EBF1: variants seen among roughly 807,000 people sequenced by gnomAD.
The protein encoded by EBF1 is transcription factor COE1.
Under a neutral mutation model 68.4 loss-of-function variants are expected in EBF1, and 10 were observed. That is an observed-to-expected ratio of 0.15 (90% CI 0.09 to 0.25). The LOEUF is 0.25. EBF1 is among the 10% of genes least tolerant of loss of function. EBF1 has a pLI of 1.00. For missense variants in EBF1, 509 were observed against 794.4 expected (o/e 0.64, Z 4.32); for synonymous variants, 298 against 299.8 (o/e 0.99, Z 0.06).
chr5:158,888,212 A>T (rs1169938963), intron 6 of EBF1, among the ~76,000 whole-genome samples: 1 of 152,176 alleles, frequency 6.6e-6, no homozygotes, highest in Non-Finnish European at 1.5e-5. Context: ...TAGTTGGTGA[A>T]GAAATGAAAG....
chr5:159,006,095 G>A (rs1369785609), intron 6 of EBF1, among the ~76,000 whole-genome samples: 1 of 152,186 alleles, frequency 6.6e-6, no homozygotes, highest in Non-Finnish European at 1.5e-5. Flanking sequence ...CGGTATAGAG[G>A]AGAATTCAAT....
chr5:158,754,357 T>C (rs1769582602), intron 10 of EBF1, among the ~76,000 whole-genome samples: 1 of 152,130 alleles, frequency 6.6e-6, no homozygotes, highest in Non-Finnish European at 1.5e-5. Context: ...AGGCAATGAC[T>C]TTTCATTGAA....
Position 159,099,566 on chromosome 5 carries a change from G to C in EBF1, c.-88C>G. 5.3e-4 allele frequency: 648 copies of C among 1,222,348 alleles called. No individual in the cohort carries two copies. The highest frequency in any genetic ancestry group is 5.7e-4 in the Non-Finnish European group (533 of 942,842). 75.7% of individuals were successfully genotyped at this position (1,222,348 alleles called of 1,614,324 possible). A position where few individuals can be genotyped will look rare whatever the true frequency, so the allele number is the denominator to read the frequency against. ...AGGAAAGAAAAGAAAGAAAAGAAAA[G>C]AAACAAAAACGCCAACCAGAGATTT... is the stretch of plus-strand genomic sequence containing the variant. On this transcript the variant is annotated 5_prime_UTR_variant, in exon 1 of 16. Transcript: ENST00000313708.
intron 10 of EBF1, among the ~76,000 whole-genome samples, chr5:158,769,602 C>A (rs1273340819): frequency 2.0e-5 from 3 of 152,068 alleles, no homozygotes; most frequent in Non-Finnish European, 4.4e-5. Flanking sequence ...CTTTCAGTGA[C>A]TTTTGTTGTT....
At chr5:158,977,363 A>G (rs1174642519) in intron 6 of EBF1, among the ~76,000 whole-genome samples, 3 of 152,174 alleles carry the variant, frequency 2.0e-5, no homozygotes, top group Admixed American at 2.0e-4. Flanking sequence ...TAAATACTAA[A>G]CTCACAATTA....
chr5:158,731,061 A>ATCC lies in EBF1; in HGVS notation c.1125+5_1125+7dup, dbSNP rs765704187. On this transcript the variant is annotated splice_region_variant and intron_variant, in intron 11 of 15. Transcript: ENST00000313708. The stretch of plus-strand genomic sequence containing the variant: ...TTTTCAGGAATTACAAAAAGGCAGT[A>ATCC]TCCTCACCTTTGGCAAACGCTCAGG... 16 of 1,613,228 alleles carry ATCC rather than the reference A, an allele frequency of 9.9e-6. No homozygotes were observed. Among genetic ancestry groups the ATCC allele is most frequent in the African/African-American group, 1.3e-5 (1 of 74,926 alleles).
At chr5:159,052,598 A>T (rs564853010) in intron 6 of EBF1, among the ~76,000 whole-genome samples, 1 of 152,260 alleles carries the variant, frequency 6.6e-6, no homozygotes, top group South Asian at 2.1e-4. Flanking sequence ...CCTCGCTCTC[A>T]GAGGAATTGT....
chr5:158,919,490 C>A (rs1482012257), intron 6 of EBF1, among the ~76,000 whole-genome samples: 1 of 152,058 alleles, frequency 6.6e-6, no homozygotes, highest in Non-Finnish European at 1.5e-5. Context: ...ATAAAGACAC[C>A]AAATGAAAAA....
At chr5:158,722,324 A>G (rs565855269) in intron 11 of EBF1, among the ~76,000 whole-genome samples, 1 of 152,328 alleles carries the variant, frequency 6.6e-6, no homozygotes, top group Non-Finnish European at 1.5e-5. Context: ...GGGCTTTTAG[A>G]AAACACAAAA....
At chr5:158,940,453 C>T (rs959016465) in intron 6 of EBF1, among the ~76,000 whole-genome samples, 5 of 152,138 alleles carry the variant, frequency 3.3e-5, no homozygotes, top group Non-Finnish European at 5.9e-5. Context: ...TGAAGTGATT[C>T]GTCTGATGGG....
At position 159,046,787 on chromosome 5, in the gene EBF1, A is replaced by G. The variant is rs142951401; in HGVS notation, c.554+26609T>C. Among the ~76,000 whole-genome samples the G allele has an allele frequency of 1.8e-3, 280 of 152,344 alleles. 1 individual carries two copies. Among genetic ancestry groups the G allele is most frequent in the Non-Finnish European group, 2.3e-3 (159 of 68,026 alleles). ...TGGCAGGATCAACAGTGTTCTGAGT[A>G]AAGTGGGTGGAGGGAGCCCGGCTCT... On this transcript the variant is annotated intron_variant, in intron 6 of 15. Coordinates refer to ENST00000313708, the MANE Select transcript of EBF1 (RefSeq NM_024007.5).
At chr5:159,066,154 A>G (rs1242021390) in intron 6 of EBF1, among the ~76,000 whole-genome samples, 1 of 152,132 alleles carries the variant, frequency 6.6e-6, no homozygotes, top group African/African-American at 2.4e-5. Flanking sequence ...CCACCGAGTG[A>G]GAGGCTGCTC....
At position 158,840,645 on chromosome 5, in the gene EBF1, G is replaced by GTTTTTTTTTTTTTTTTTT. The variant is rs534374216; in HGVS notation, c.555-553_555-536dup. On this transcript the variant is annotated intron_variant, in intron 6 of 15. Coordinates refer to ENST00000313708, the MANE Select transcript of EBF1 (RefSeq NM_024007.5). ...TCCTTTGACTTCTCAAATACCTCCT[G>GTTTTTTTTTTTTTTTTTT]TTTTTTTTTTTTTTTTTTTTTTTTT... Among the ~76,000 whole-genome samples, 14 of 64,816 alleles carry GTTTTTTTTTTTTTTTTTT rather than the reference G, an allele frequency of 2.2e-4. 1 individual carries two copies. The highest frequency in any genetic ancestry group is 5.4e-4 in the East Asian group (1 of 1,852). 42.5% of individuals were successfully genotyped at this position (64,816 alleles called of 152,430 possible).
chr5:159,041,417 C>A (rs1010957890), intron 6 of EBF1, among the ~76,000 whole-genome samples: 4 of 152,014 alleles, frequency 2.6e-5, no homozygotes, highest in African/African-American at 9.7e-5. Context: ...ATACTTCTTA[C>A]GTTTAAAAAA....
chr5:158,914,449 G>A (rs1562287689), intron 6 of EBF1, among the ~76,000 whole-genome samples: 1 of 152,112 alleles, frequency 6.6e-6, no homozygotes, highest in East Asian at 1.9e-4. Context: ...ATGTTACAAG[G>A]CTGACTATTA....
chr5:159,095,501 C>T (rs1304361050), intron 4 of EBF1, 119 bp downstream of exon 4: 1 of 1,191,268 alleles, frequency 8.4e-7, no homozygotes. Flanking sequence ...TGGTCTGAGC[C>T]GCCCCCGCTG....
chr5:158,743,462 G>A (rs1766873360), intron 10 of EBF1, among the ~76,000 whole-genome samples: 1 of 152,160 alleles, frequency 6.6e-6, no homozygotes, highest in African/African-American at 2.4e-5. Flanking sequence ...TAGAGAGCAA[G>A]GAGTCATTTA....
At chr5:158,932,884 A>C (rs1352144093) in intron 6 of EBF1, among the ~76,000 whole-genome samples, 3 of 152,210 alleles carry the variant, frequency 2.0e-5, no homozygotes, top group Non-Finnish European at 2.9e-5. Context: ...ACAAGAGTGT[A>C]ACATTTGGAG....
intron 9 of EBF1, among the ~76,000 whole-genome samples, chr5:158,783,989 AAT>A (rs1394629602): frequency 2.0e-5 from 3 of 152,228 alleles, no homozygotes; most frequent in African/African-American, 7.2e-5. Context: ...AGTGTTTAAA[AAT>A]ATGAGTGGAA....
Sources: gnomAD v4.1 joint callset for allele counts (sites outside exome capture counted in the v4.1 genomes callset) on GRCh38, gnomAD v4.1.1 for gene constraint, MANE v1.5 for transcripts, NCBI Gene and HGNC (gene_info 2026-07-23, HGNC 2026-07-21) for gene names.